MAPK6: variants seen among roughly 807,000 people sequenced by gnomAD.
MAPK6 encodes ERK-3.
A neutral mutation model predicts 59.3 loss-of-function variants in MAPK6; 19 were observed. The observed-to-expected ratio is 0.32, with a 90% CI of 0.22 to 0.47. The LOEUF (loss-of-function observed/expected upper bound fraction) is 0.47, where lower values mean the gene tolerates loss of function less well. Among genes scored for constraint, MAPK6 ranks in the 20% least tolerant of loss-of-function variants. The pLI is 1.00. For synonymous variants in MAPK6, 316 were observed against 290.3 expected (o/e 1.09, Z -0.90); for missense variants, 724 against 847.9 (o/e 0.85, Z 1.81).
chr15:52,057,239 T>C (rs780691434), intron 3 of MAPK6: 9 of 151,618 alleles, frequency 5.9e-5, no homozygotes, highest in African/African-American at 2.4e-5. Context: ...AGTTACCACA[T>C]CGCAGCCAGG....
intron 3 of MAPK6, among the ~76,000 whole-genome samples, chr15:52,009,926 C>A (rs1660668511): frequency 6.6e-6 from 1 of 151,732 alleles, no homozygotes; most frequent in Non-Finnish European, 1.5e-5. Flanking sequence ...GTGCCCGCCA[C>A]CATGCCCGGC....
At position 51,972,812 on chromosome 15, in the gene MAPK6, T is replaced by G. The variant is rs751636478; in HGVS notation, c.-880+906T>G. Among the ~76,000 whole-genome samples, 5 of 150,426 alleles carry G rather than the reference T, an allele frequency of 3.3e-5. 1 individual carries two copies. Among genetic ancestry groups the G allele is most frequent in the Middle Eastern group, 3.4e-3 (1 of 294 alleles). The stretch of plus-strand genomic sequence containing the variant: ...ACTCCAGCCTGGGCACGAGACTCCA[T>G]CTCAAAAAAATAATAATAATAAAAT... On this transcript the variant is annotated intron_variant, in intron 1 of 7. Transcript: ENST00000691380.
At chr15:51,992,596 G>A (rs180724040) in intron 2 of MAPK6, among the ~76,000 whole-genome samples, 60 of 152,000 alleles carry the variant, frequency 3.9e-4, no homozygotes, top group Admixed American at 9.8e-4. Context: ...GAGCCACCAC[G>A]CACAGCCAAG....
intron 1 of MAPK6, among the ~76,000 whole-genome samples, chr15:52,030,312 A>ACCTTGT (rs2030977424): frequency 6.6e-6 from 1 of 152,188 alleles, no homozygotes. Context: ...AAGCAGAAGA[A>ACCTTGT]CCTTGTCTGT....
chr15:51,988,167 T>C (rs528421794), intron 2 of MAPK6, among the ~76,000 whole-genome samples: 2 of 152,312 alleles, frequency 1.3e-5, no homozygotes, highest in Non-Finnish European at 2.9e-5. Flanking sequence ...CCATAGCTGA[T>C]GGCCACTAAA....
intron 1 of MAPK6, among the ~76,000 whole-genome samples, chr15:51,977,557 A>G (rs1205591734): frequency 6.6e-6 from 1 of 151,648 alleles, no homozygotes; most frequent in Non-Finnish European, 1.5e-5. Context: ...TTTGTTTGAG[A>G]CAAAGTCTCC....
chr15:52,005,634 G>A (rs2057256324), intron 3 of MAPK6, among the ~76,000 whole-genome samples: 1 of 152,146 alleles, frequency 6.6e-6, no homozygotes, highest in South Asian at 2.1e-4. Context: ...TTTAGAGTAG[G>A]TTAGCATTTT....
At chr15:52,024,489 C>T (rs1470160952) in intron 1 of MAPK6, 1 of 151,986 alleles carries the variant, frequency 6.6e-6, no homozygotes, top group East Asian at 1.9e-4. Context: ...CAAGCTCCGC[C>T]TCCTGGGTTC....
chr15:52,063,720 C>A (rs2032298456), intron 5 of MAPK6, among the ~76,000 whole-genome samples, 182 bp from the exon 6 acceptor site: 1 of 152,126 alleles, frequency 6.6e-6, no homozygotes, highest in African/African-American at 2.4e-5. Context: ...TGGCAATTAC[C>A]AAATATATTA....
chr15:52,013,905 C>T (rs1013752545), intron 3 of MAPK6, among the ~76,000 whole-genome samples: 3 of 151,994 alleles, frequency 2.0e-5, no homozygotes, highest in Non-Finnish European at 4.4e-5. Context: ...CTTTATGTTC[C>T]TCTCCTACTC....
intron 4 of MAPK6, among the ~76,000 whole-genome samples, chr15:52,059,956 T>C (rs1327406675): frequency 1.3e-5 from 2 of 152,188 alleles, no homozygotes; most frequent in African/African-American, 4.8e-5. Context: ...TTTATGATCT[T>C]TGAAGGAAAA....
At chr15:52,057,406 G>A (rs1248620041) in intron 3 of MAPK6, among the ~76,000 whole-genome samples, 1 of 152,104 alleles carries the variant, frequency 6.6e-6, no homozygotes, top group Non-Finnish European at 1.5e-5. Flanking sequence ...TGCTACACTT[G>A]TCTAATTGTT....
Position 52,027,356 on chromosome 15 carries a change from A to AAAAAAAAAG in MAPK6, c.-632+7988_-632+7989insGAAAAAAAA, listed in dbSNP as rs1245889996. ...CAGAGCGAGACTCCCTCTCAAAAAA[A>AAAAAAAAAG]AAAAAAAAAAAAGAAAATGCCTGTC... On this transcript the variant is annotated intron_variant, in intron 1 of 5. Transcript: ENST00000261845. Among the ~76,000 whole-genome samples the AAAAAAAAAG allele has an allele frequency of 3.0e-4, 44 of 148,472 alleles. 1 individual carries two copies. Among genetic ancestry groups the AAAAAAAAAG allele is most frequent in the African/African-American group, 4.7e-4 (19 of 40,742 alleles).
At chr15:51,975,364 A>G (rs1250138293) in intron 1 of MAPK6, among the ~76,000 whole-genome samples, 1 of 151,530 alleles carries the variant, frequency 6.6e-6, no homozygotes, top group East Asian at 1.9e-4. Context: ...AACATGGTGA[A>G]ACCTCGTCTC....
At chr15:52,019,694 G>A (rs1006145311) in intron 1 of MAPK6, among the ~76,000 whole-genome samples, 2 of 149,232 alleles carry the variant, frequency 1.3e-5, no homozygotes, top group Non-Finnish European at 1.5e-5. Context: ...GCCCCTCGCC[G>A]GTCGCCCTGC....
chr15:52,043,325 T>C (rs1263066512), intron 1 of MAPK6, among the ~76,000 whole-genome samples: 1 of 152,146 alleles, frequency 6.6e-6, no homozygotes, highest in Non-Finnish European at 1.5e-5. Flanking sequence ...TGAGACGGAA[T>C]CTTGCTCTTT....
At chr15:51,972,066 C>G (rs1241801780) in intron 1 of MAPK6, among the ~76,000 whole-genome samples, 1 of 152,054 alleles carries the variant, frequency 6.6e-6, no homozygotes, top group East Asian at 1.9e-4. Flanking sequence ...TTAAACCTAT[C>G]GCGAGTCAGG....
chr15:52,015,864 C>A (rs1215227020), upstream of MAPK6, among the ~76,000 whole-genome samples: 5 of 143,926 alleles, frequency 3.5e-5, no homozygotes, highest in Non-Finnish European at 6.1e-5. Context: ...TCAAGACCAG[C>A]CTGGCCAACA....
intron 3 of MAPK6, among the ~76,000 whole-genome samples, chr15:52,012,682 C>G (rs1486775261): frequency 6.6e-6 from 1 of 151,882 alleles, no homozygotes; most frequent in Non-Finnish European, 1.5e-5. Flanking sequence ...TACCTTAACT[C>G]AAAACATTGA....
Sources: gnomAD v4.1 joint callset for allele counts (sites outside exome capture counted in the v4.1 genomes callset) on GRCh38, gnomAD v4.1.1 for gene constraint, MANE v1.5 for transcripts, NCBI Gene and HGNC (gene_info 2026-07-23, HGNC 2026-07-21) for gene names.